USH2A: variants seen among roughly 807,000 people sequenced by gnomAD.
The protein encoded by USH2A is Usher syndrome 2A (autosomal recessive, mild).
A neutral mutation model predicts 538.9 loss-of-function variants in USH2A; 443 were observed. The observed-to-expected ratio is 0.82, with a 90% CI of 0.76 to 0.89. The LOEUF (loss-of-function observed/expected upper bound fraction) is 0.89, where lower values mean the gene tolerates loss of function less well. USH2A is among the 40% of genes least tolerant of loss of function. USH2A has a pLI of 0.00. For synonymous variants in USH2A, 2,413 were observed against 2,273.5 expected (o/e 1.06, Z -1.75); for missense variants, 6,633 against 6,324.8 (o/e 1.05, Z -1.65).
At chr1:215,673,771 C>T (rs926416175) in intron 63 of USH2A, among the ~76,000 whole-genome samples, 2 of 152,182 alleles carry the variant, frequency 1.3e-5, no homozygotes, top group Non-Finnish European at 2.9e-5. Context: ...CCTATCGGGG[C>T]TGTCAGAACT....
At chr1:216,206,459 T>C (rs1403885680) in intron 16 of USH2A, among the ~76,000 whole-genome samples, 2 of 152,102 alleles carry the variant, frequency 1.3e-5, no homozygotes, top group Non-Finnish European at 2.9e-5. Flanking sequence ...GCATGCACAG[T>C]TCGCAATAGG....
At chr1:215,814,065 G>A (rs538874464) in intron 48 of USH2A, among the ~76,000 whole-genome samples, 161 bp from the exon 49 acceptor site, 23 of 151,328 alleles carry the variant, frequency 1.5e-4, no homozygotes, top group Admixed American at 8.6e-4. Flanking sequence ...AGGATCATTC[G>A]AATTTTATAA....
Position 215,782,691 on chromosome 1 carries a change from T to C in USH2A, c.10585+47A>G, listed in dbSNP as rs529900406. On this transcript the variant is annotated intron_variant, in intron 53 of 71. Coordinates refer to ENST00000307340, the MANE Select transcript of USH2A (RefSeq NM_206933.4). Reference sequence around the variant, plus strand: ...GATTGTACTCATTTCAATTTTCTTATGAATTTATGGGATTTTGTTATTTGT... The same window carrying C: ...GATTGTACTCATTTCAATTTTCTTACGAATTTATGGGATTTTGTTATTTGT... 9.4e-6 allele frequency: 15 copies of C among 1,593,380 alleles called. No homozygotes were observed. The African/African-American group carries it at 1.5e-4, about 16-fold the overall frequency.
At chr1:215,894,802 C>G (rs921453446) in intron 40 of USH2A, among the ~76,000 whole-genome samples, 2 of 152,170 alleles carry the variant, frequency 1.3e-5, no homozygotes, top group African/African-American at 4.8e-5. Context: ...GAACGACCGA[C>G]AGGACAACCT....
At chr1:216,042,328 C>A (rs569601446) in intron 32 of USH2A, among the ~76,000 whole-genome samples, 6 of 151,818 alleles carry the variant, frequency 4.0e-5, no homozygotes, top group South Asian at 4.2e-4. Context: ...TTTAAATTAT[C>A]TTCTGTAAGA....
chr1:215,718,418 G>A (rs1659548551), intron 61 of USH2A, among the ~76,000 whole-genome samples: 1 of 152,176 alleles, frequency 6.6e-6, no homozygotes, highest in Non-Finnish European at 1.5e-5. Flanking sequence ...AATCAAATCT[G>A]GGAACACTAG....
intron 38 of USH2A, 91 bp from the exon 39 acceptor site, chr1:215,900,996 G>A: frequency 1.3e-6 from 2 of 1,506,642 alleles, no homozygotes; most frequent in Non-Finnish European, 1.8e-6. Context: ...TGGAAAAACT[G>A]TTCCTCAGGA....
intron 38 of USH2A, among the ~76,000 whole-genome samples, chr1:215,912,496 T>TACAC (rs1558158027): frequency 5.3e-4 from 12 of 22,758 alleles, no homozygotes; most frequent in African/African-American, 1.4e-3. Context: ...TATATGTGTA[T>TACAC]ATATATATAT....
At chr1:216,023,092 T>A (rs549162396) in intron 32 of USH2A, among the ~76,000 whole-genome samples, 1 of 152,250 alleles carries the variant, frequency 6.6e-6, no homozygotes, top group Admixed American at 6.5e-5. Flanking sequence ...AATGAGGCAG[T>A]GAAATACAAA....
chr1:216,301,133 T>A (rs1167448968), intron 9 of USH2A, among the ~76,000 whole-genome samples: 1 of 152,170 alleles, frequency 6.6e-6, no homozygotes, highest in African/African-American at 2.4e-5. Context: ...TTTAAGTAAT[T>A]TAACTGCAAG....
intron 21 of USH2A, among the ~76,000 whole-genome samples, chr1:216,124,048 C>A (rs1041874721): frequency 1.4e-4 from 22 of 152,092 alleles, no homozygotes; most frequent in African/African-American, 5.1e-4. Context: ...GGTAAGACAT[C>A]AATCAGAGGA....
At chr1:215,951,896 C>T (rs926382345) in intron 37 of USH2A, among the ~76,000 whole-genome samples, 14 of 151,136 alleles carry the variant, frequency 9.3e-5, no homozygotes, top group Middle Eastern at 3.4e-3. Context: ...CTTGCTCTGT[C>T]GCCCAGGCTG....
At chr1:215,944,997 A>G (rs1056464222) in intron 37 of USH2A, among the ~76,000 whole-genome samples, 4 of 152,136 alleles carry the variant, frequency 2.6e-5, no homozygotes, top group Admixed American at 2.6e-4. Flanking sequence ...TAATTGCCTT[A>G]TTCTAAGTAT....
intron 30 of USH2A, among the ~76,000 whole-genome samples, chr1:216,066,255 G>T (rs1482893929): frequency 6.6e-6 from 1 of 151,910 alleles, no homozygotes; most frequent in African/African-American, 2.4e-5. Context: ...TGAATCACGA[G>T]GTCAGGAAAT....
intron 20 of USH2A, among the ~76,000 whole-genome samples, chr1:216,178,615 T>C (rs191173764): frequency 2.6e-5 from 4 of 152,138 alleles, no homozygotes; most frequent in East Asian, 1.9e-4. Context: ...TTCCCTAGGG[T>C]TTTGGGACAC....
intron 3 of USH2A, among the ~76,000 whole-genome samples, chr1:216,413,815 C>T (rs577544295): frequency 4.6e-5 from 7 of 152,116 alleles, no homozygotes; most frequent in African/African-American, 7.2e-5. Flanking sequence ...AGCTTCAAAT[C>T]GTAGTAATTG....
chr1:216,079,965 G>C (rs1389952444), intron 26 of USH2A: 2 of 152,088 alleles, frequency 1.3e-5, no homozygotes, highest in Non-Finnish European at 2.9e-5. Context: ...GGGTAACTAG[G>C]AGGGTGTTCT....
intron 35 of USH2A, among the ~76,000 whole-genome samples, chr1:215,979,643 G>T (rs1023408061): frequency 6.6e-6 from 1 of 152,056 alleles, no homozygotes; most frequent in South Asian, 2.1e-4. Flanking sequence ...TGGGAATGCT[G>T]CATTTCAGCA....
Position 215,979,253 on chromosome 1 carries a change from C to T in USH2A, c.6806-8477G>A, listed in dbSNP as rs116479013. Among the ~76,000 whole-genome samples the T allele has an allele frequency of 4.4e-3, 669 of 152,246 alleles. 9 individuals are homozygous for T. The highest frequency in any genetic ancestry group is 0.015 in the African/African-American group (640 of 41,550). On this transcript the variant is annotated intron_variant, in intron 35 of 71. Coordinates refer to ENST00000307340, the MANE Select transcript of USH2A (RefSeq NM_206933.4). ...CCCCCCATAGTTCAATTACTTCCCA[C>T]GGGGTCTCTCCCATGACACATGGGG...
Sources: allele counts gnomAD v4.1 joint callset (sites outside exome capture counted in the v4.1 genomes callset), GRCh38; gene constraint gnomAD v4.1.1; transcripts MANE v1.5; gene names NCBI Gene and HGNC (gene_info 2026-07-23, HGNC 2026-07-21).